RBBP8: variants seen among roughly 807,000 people sequenced by gnomAD.
The protein encoded by RBBP8 is DNA endonuclease RBBP8.
A neutral mutation model predicts 108.3 loss-of-function variants in RBBP8; 88 were observed. The observed-to-expected ratio is 0.81, with a 90% CI of 0.68 to 0.97. The LOEUF is 0.97. Among genes scored for constraint, RBBP8 ranks in the 50% least tolerant of loss-of-function variants. The pLI is 0.00. For synonymous variants in RBBP8, 332 were observed against 348.2 expected (o/e 0.95, Z 0.52); for missense variants, 1,023 against 1,049.0 (o/e 0.98, Z 0.34).
At chr18:22,955,520 G>T (rs1428456972) in intron 4 of RBBP8, among the ~76,000 whole-genome samples, 1 of 151,914 alleles carries the variant, frequency 6.6e-6, no homozygotes, top group Non-Finnish European at 1.5e-5. Flanking sequence ...GAAACTAGCT[G>T]GCAAAGAGCA....
chr18:22,932,298 ACT>A (rs1416594410), upstream of RBBP8, among the ~76,000 whole-genome samples: 4 of 152,122 alleles, frequency 2.6e-5, no homozygotes, highest in Admixed American at 6.5e-5. Context: ...TAAAAGCTTC[ACT>A]CTGTCAATTA....
chr18:22,915,205 C>T (rs1049142680), intron 1 of RBBP8, among the ~76,000 whole-genome samples: 1 of 152,042 alleles, frequency 6.6e-6, no homozygotes, highest in Non-Finnish European at 1.5e-5. Context: ...TGAATGCTTT[C>T]CTGTCATCTT....
rs1713157499 is a variant in RBBP8 at position 22,994,609 on chromosome 18, T to G, written c.1939+762T>G. Among the ~76,000 whole-genome samples, 2 of 146,464 alleles carry G rather than the reference T, an allele frequency of 1.4e-5. 1 individual carries two copies. The highest frequency in any genetic ancestry group is 4.4e-4 in the South Asian group (2 of 4,580). On this transcript the variant is annotated intron_variant, in intron 12 of 18. Transcript: ENST00000327155. ...GTGAGCCGAGATCGTGCCACTGCAC[T>G]GCACTCCAGCCTGGGTGACAGAGCA...
At chr18:22,915,175 AT>A (rs1404542271) in intron 1 of RBBP8, among the ~76,000 whole-genome samples, 3 of 152,014 alleles carry the variant, frequency 2.0e-5, no homozygotes, top group Non-Finnish European at 4.4e-5. Context: ...GGAATTTAAA[AT>A]TTTTTTAACA....
At chr18:23,013,508 A>G (rs1338631205) in intron 16 of RBBP8, among the ~76,000 whole-genome samples, 1 of 152,166 alleles carries the variant, frequency 6.6e-6, no homozygotes, top group African/African-American at 2.4e-5. Context: ...TATAATAGTA[A>G]TATCATTTGT....
intron 1 of RBBP8, chr18:22,933,799 C>T (rs1008041525): frequency 6.6e-6 from 1 of 152,224 alleles, no homozygotes; most frequent in African/African-American, 2.4e-5. Flanking sequence ...GAGGAAGCGC[C>T]TTTCGCCGCC....
At chr18:22,933,741 G>A (rs1910220602) in intron 1 of RBBP8, 177 bp downstream of exon 1, 2 of 152,294 alleles carry the variant, frequency 1.3e-5, no homozygotes, top group African/African-American at 4.8e-5. Flanking sequence ...GGACCGGCGG[G>A]AGGACGAGCG....
chr18:22,957,234 AG>A (rs1228514500), intron 4 of RBBP8, among the ~76,000 whole-genome samples: 1 of 148,400 alleles, frequency 6.7e-6, no homozygotes, highest in African/African-American at 2.5e-5. Flanking sequence ...GTGCTTTCAT[AG>A]TACTCTGTAT....
chr18:23,007,440 C>T (rs192247348), intron 16 of RBBP8, among the ~76,000 whole-genome samples: 17 of 151,860 alleles, frequency 1.1e-4, no homozygotes, highest in Admixed American at 9.2e-4. Context: ...CATGGTGGCT[C>T]ACGCTTGTAA....
At chr18:23,009,105 T>C (rs1489520389) in intron 16 of RBBP8, among the ~76,000 whole-genome samples, 2 of 152,146 alleles carry the variant, frequency 1.3e-5, no homozygotes, top group African/African-American at 4.8e-5. Context: ...TAAACTATAC[T>C]TCATACTGAT....
intron 1 of RBBP8, chr18:22,934,646 A>G (rs537724281): frequency 3.2e-4 from 49 of 151,584 alleles, no homozygotes; most frequent in African/African-American, 1.0e-3. Context: ...TACTTTAGGT[A>G]TATCTCCTAA....
At chr18:23,020,563 T>C (rs2046332096) in intron 17 of RBBP8, among the ~76,000 whole-genome samples, 1 of 152,200 alleles carries the variant, frequency 6.6e-6, no homozygotes, top group Non-Finnish European at 1.5e-5. Flanking sequence ...CTCTTAACAA[T>C]GTACTTTCAG....
At chr18:22,990,810 G>C in intron 9 of RBBP8, 127 bp from the exon 10 acceptor site, 1 of 676,522 alleles carries the variant, frequency 1.5e-6, no homozygotes, top group South Asian at 1.6e-5. Flanking sequence ...ACATTATGTG[G>C]CCTTTGTCTG....
At chr18:22,954,696 CTG>C (rs1912356187) in intron 4 of RBBP8, among the ~76,000 whole-genome samples, 1 of 152,156 alleles carries the variant, frequency 6.6e-6, no homozygotes, top group Non-Finnish European at 1.5e-5. Context: ...CCAGTGGGGA[CTG>C]TGTGGAGGCT....
chr18:23,003,837 T>C (rs2144754428), intron 15 of RBBP8, among the ~76,000 whole-genome samples: 1 of 151,980 alleles, frequency 6.6e-6, no homozygotes, highest in East Asian at 1.9e-4. Flanking sequence ...GGCGGGCGGA[T>C]CACGAGGTCA....
At chr18:22,978,506 G>GT (rs138966074) in intron 6 of RBBP8, among the ~76,000 whole-genome samples, 3,001 of 146,542 alleles carry the variant, frequency 0.02, 88 homozygotes, top group African/African-American at 0.062. Context: ...AGCTAGTTTT[G>GT]TTTGTTTTTT....
chr18:22,945,571 C>T (rs759970656), intron 2 of RBBP8, among the ~76,000 whole-genome samples: 58 of 151,924 alleles, frequency 3.8e-4, no homozygotes, highest in Non-Finnish European at 2.4e-4. Flanking sequence ...TTATTAGAGA[C>T]GGGGTTTCTC....
chr18:22,937,426 T>A (rs1212147744), intron 2 of RBBP8, among the ~76,000 whole-genome samples: 7 of 152,348 alleles, frequency 4.6e-5, no homozygotes, highest in Middle Eastern at 3.4e-3. Context: ...TACTTTTTTT[T>A]AATTCAGTCC....
At chr18:23,007,057 G>GT (rs1166618995) in intron 16 of RBBP8, among the ~76,000 whole-genome samples, 1 of 142,376 alleles carries the variant, frequency 7.0e-6, no homozygotes, top group Non-Finnish European at 1.5e-5. Flanking sequence ...GTTTCACTCT[G>GT]TTGCCCCGGC....
Sources: allele counts gnomAD v4.1 joint callset (sites outside exome capture counted in the v4.1 genomes callset), GRCh38; gene constraint gnomAD v4.1.1; transcripts MANE v1.5; gene names NCBI Gene and HGNC (gene_info 2026-07-23, HGNC 2026-07-21).